GNAL: variants seen among roughly 807,000 people sequenced by gnomAD.
GNAL encodes the protein G protein subunit alpha L.
Under a neutral mutation model 55.1 loss-of-function variants are expected in GNAL, and 18 were observed. That is an observed-to-expected ratio of 0.33 (90% CI 0.23 to 0.48). GNAL has a LOEUF of 0.48. Ranked by LOEUF, GNAL falls within the 20% of genes least tolerant of loss-of-function variation. The pLI, the probability that GNAL is intolerant of heterozygous loss-of-function variation, is 0.99. For synonymous variants in GNAL, 253 were observed against 237.0 expected (o/e 1.07, Z -0.62); for missense variants, 412 against 614.1 (o/e 0.67, Z 3.48).
In GNAL at chr18:11,730,308, G is replaced by A. The variant is rs569610051; in HGVS notation, c.377-22545G>A. Among the ~76,000 whole-genome samples the A allele has an allele frequency of 2.1e-3, 323 of 151,752 alleles. 2 individuals are homozygous for A. Among genetic ancestry groups the A allele is most frequent in the African/African-American group, 7.0e-3 (290 of 41,438 alleles). On this transcript the variant is annotated intron_variant, in intron 1 of 11. Coordinates refer to ENST00000334049, the MANE Select transcript of GNAL (RefSeq NM_182978.4). ...CTGAGTAGCTGGGATTACAGGTGCCGGCACCACGCCCAGCTAATTTTTGTA... is the reference window on the plus strand; with the variant it reads ...CTGAGTAGCTGGGATTACAGGTGCCAGCACCACGCCCAGCTAATTTTTGTA...
At chr18:11,704,771 T>C (rs1363736826) in intron 1 of GNAL, among the ~76,000 whole-genome samples, 1 of 120,914 alleles carries the variant, frequency 8.3e-6, no homozygotes, top group African/African-American at 3.2e-5. Flanking sequence ...GAAAGTTAAG[T>C]CCATTATCAA....
chr18:11,782,843 A>G (rs2033957364), intron 4 of GNAL, among the ~76,000 whole-genome samples: 1 of 152,218 alleles, frequency 6.6e-6, no homozygotes, highest in African/African-American at 2.4e-5. Context: ...GGAAAAATGT[A>G]CATAGATGCT....
At chr18:11,702,757 C>T (rs2031603240) in intron 1 of GNAL, among the ~76,000 whole-genome samples, 1 of 151,728 alleles carries the variant, frequency 6.6e-6, no homozygotes, top group Non-Finnish European at 1.5e-5. Flanking sequence ...GCAGCTCTTG[C>T]CCCAGTGAGA....
chr18:11,833,881 A>G (rs2035443822), intron 5 of GNAL, among the ~76,000 whole-genome samples: 1 of 152,182 alleles, frequency 6.6e-6, no homozygotes, highest in Non-Finnish European at 1.5e-5. Flanking sequence ...TGCCACTAGC[A>G]AAGAGGGAGA....
chr18:11,730,722 T>C (rs2032319979), intron 1 of GNAL, among the ~76,000 whole-genome samples: 1 of 151,814 alleles, frequency 6.6e-6, no homozygotes, highest in South Asian at 2.1e-4. Flanking sequence ...TGAGATCGCG[T>C]CACTGCACCC....
chr18:11,743,410 C>T (rs994972733), intron 1 of GNAL, among the ~76,000 whole-genome samples: 9 of 151,842 alleles, frequency 5.9e-5, no homozygotes, highest in South Asian at 2.1e-4. Context: ...TTTGTGGAGT[C>T]CGACTCACTT....
At chr18:11,756,918 C>T (rs1240415203) in intron 4 of GNAL, among the ~76,000 whole-genome samples, 4 of 152,058 alleles carry the variant, frequency 2.6e-5, no homozygotes, top group Admixed American at 6.6e-5. Context: ...CTTGAGAAAG[C>T]CTGTCAGTGT....
intron 5 of GNAL, among the ~76,000 whole-genome samples, chr18:11,859,963 G>T (rs1247303502): frequency 6.6e-6 from 1 of 152,076 alleles, no homozygotes; most frequent in African/African-American, 2.4e-5. Context: ...GGCTAGGTTG[G>T]TCTCAAACTC....
chr18:11,717,403 C>T (rs1398917426), intron 1 of GNAL, among the ~76,000 whole-genome samples: 1 of 152,214 alleles, frequency 6.6e-6, no homozygotes, highest in Non-Finnish European at 1.5e-5. Flanking sequence ...AAGTGGGAGC[C>T]CAGGCAGAGG....
At chr18:11,880,394 C>T (rs939597911) in intron 11 of GNAL, among the ~76,000 whole-genome samples, 2 of 152,022 alleles carry the variant, frequency 1.3e-5, no homozygotes, top group East Asian at 3.9e-4. Context: ...CATGGTGACA[C>T]CCCGTCTCTA....
At chr18:11,727,969 A>G (rs1446194466) in intron 1 of GNAL, among the ~76,000 whole-genome samples, 2 of 152,176 alleles carry the variant, frequency 1.3e-5, no homozygotes, top group East Asian at 3.9e-4. Context: ...GCTCGTGCCT[A>G]TAACCCCAAC....
At chr18:11,817,815 C>A (rs1598404097) in intron 4 of GNAL, among the ~76,000 whole-genome samples, 1 of 151,738 alleles carries the variant, frequency 6.6e-6, no homozygotes, top group South Asian at 2.1e-4. Context: ...TCTCGAACTC[C>A]TGGGCTCTGG....
At chr18:11,757,258 G>T (rs1207770402) in intron 4 of GNAL, among the ~76,000 whole-genome samples, 1 of 152,198 alleles carries the variant, frequency 6.6e-6, no homozygotes, top group Non-Finnish European at 1.5e-5. Flanking sequence ...GGGCTGCTGT[G>T]GGGAGGTCAG....
At chr18:11,746,569 C>A in intron 1 of GNAL, 1 of 242,238 alleles carries the variant, frequency 4.1e-6, no homozygotes, top group Non-Finnish European at 8.2e-6. Context: ...GTGATTGTGC[C>A]ACTGCACTCA....
chr18:11,803,725 A>G (rs1233035023), intron 4 of GNAL, among the ~76,000 whole-genome samples: 1 of 119,296 alleles, frequency 8.4e-6, no homozygotes, highest in Admixed American at 7.7e-5. Context: ...TGCAGTTTGG[A>G]TGGAACACGG....
intron 4 of GNAL, among the ~76,000 whole-genome samples, chr18:11,785,632 CTT>C (rs2034034863): frequency 6.6e-6 from 1 of 152,050 alleles, no homozygotes; most frequent in Admixed American, 6.5e-5. Context: ...AATTAATTAT[CTT>C]AGGGAAAAGA....
intron 1 of GNAL, among the ~76,000 whole-genome samples, chr18:11,707,045 T>G (rs138292475): frequency 4.1e-4 from 62 of 152,286 alleles, no homozygotes; most frequent in African/African-American, 1.3e-3. Flanking sequence ...TCTCACTCTG[T>G]CACCCAGGCT....
intron 1 of GNAL, chr18:11,746,022 G>A: frequency 3.1e-6 from 1 of 324,576 alleles, no homozygotes; most frequent in South Asian, 2.9e-5. Flanking sequence ...GTCGGGTTTT[G>A]TTTAAAGCCG....
chr18:11,859,829 T>C (rs112542791), intron 5 of GNAL, among the ~76,000 whole-genome samples: 8 of 151,078 alleles, frequency 5.3e-5, no homozygotes, highest in Middle Eastern at 3.4e-3. Context: ...CACTACAACC[T>C]CTGCCTCCCG....
Sources: gnomAD v4.1 joint callset for allele counts (sites outside exome capture counted in the v4.1 genomes callset) on GRCh38, gnomAD v4.1.1 for gene constraint, MANE v1.5 for transcripts, NCBI Gene and HGNC (gene_info 2026-07-23, HGNC 2026-07-21) for gene names.